PARL: variants seen among roughly 807,000 people sequenced by gnomAD.
PARL encodes presenilin associated rhomboid like, also known as presenilin-associated rhomboid-like protein, mitochondrial.
In PARL, 44 loss-of-function variants were observed where a neutral mutation model predicts 51.6. That is an observed-to-expected ratio of 0.85 (90% CI 0.67 to 1.10). The LOEUF is 1.10. PARL is among the 50% of genes least tolerant of loss of function. The pLI is 0.00. For missense variants in PARL, 441 were observed against 469.5 expected (o/e 0.94, Z 0.56); for synonymous variants, 172 against 164.0 (o/e 1.05, Z -0.37).
intron 4 of PARL, chr3:183,861,282 GATTCC>G (rs1731797268): frequency 2.1e-6 from 2 of 965,234 alleles, no homozygotes; most frequent in Admixed American, 6.2e-5. Context: ...CCTTGGTTAA[GATTCC>G]ATTCAACATT....
intron 1 of PARL, among the ~76,000 whole-genome samples, chr3:183,868,571 G>A (rs367899669): frequency 1.2e-4 from 19 of 152,072 alleles, no homozygotes; most frequent in African/African-American, 4.3e-4. Context: ...CTACCACATT[G>A]TTAATTTTTG....
rs545248959 is a variant in PARL, at chr3:183,847,205, A to G, written c.512-2879T>C. Reference sequence around the variant, plus strand: ...CTACTTACATTATAACCTGGGGAAGAGGCCTAACCGCTCAGCTTGTTTCCT... The same window carrying G: ...CTACTTACATTATAACCTGGGGAAGGGGCCTAACCGCTCAGCTTGTTTCCT... On this transcript the variant is annotated intron_variant, in intron 4 of 9. Transcript: ENST00000317096. Among the ~76,000 whole-genome samples the G allele has an allele frequency of 7.9e-5, 12 of 152,334 alleles. No homozygotes were observed. The South Asian group carries it at 2.3e-3, about 29-fold the overall frequency.
At chr3:183,847,950 T>G (rs1321287579) in intron 4 of PARL, among the ~76,000 whole-genome samples, 1 of 152,216 alleles carries the variant, frequency 6.6e-6, no homozygotes, top group Non-Finnish European at 1.5e-5. Flanking sequence ...TCTTCCTGAC[T>G]CGGTAACTCT....
At chr3:183,868,171 C>T (rs573993650) in intron 1 of PARL, 111 bp from the exon 2 acceptor site, 24 of 811,506 alleles carry the variant, frequency 3.0e-5, no homozygotes, top group Non-Finnish European at 4.6e-5. Flanking sequence ...TCTCACTCTA[C>T]AGTCCAAAAA....
intron 1 of PARL, 100 bp downstream of exon 1, chr3:183,884,622 G>A (rs910740567): frequency 8.3e-7 from 1 of 1,210,376 alleles, no homozygotes; most frequent in African/African-American, 1.5e-5. Flanking sequence ...GGGGTGAGCT[G>A]GGGCCAGCAC....
At chr3:183,835,261 T>C (rs2108589401) in intron 7 of PARL, among the ~76,000 whole-genome samples, 1 of 152,236 alleles carries the variant, frequency 6.6e-6, no homozygotes, top group African/African-American at 2.4e-5. Flanking sequence ...AACGGTTGTT[T>C]CTGGAAAATA....
At chr3:183,872,031 C>T (rs1023104013) in intron 1 of PARL, among the ~76,000 whole-genome samples, 13 of 133,072 alleles carry the variant, frequency 9.8e-5, no homozygotes, top group African/African-American at 3.4e-4. Context: ...GATGGAGTTT[C>T]GCTCTTGTTG....
intron 4 of PARL, among the ~76,000 whole-genome samples, chr3:183,858,704 G>A (rs1390403339): frequency 6.6e-6 from 1 of 152,104 alleles, no homozygotes; most frequent in Non-Finnish European, 1.5e-5. Context: ...GGACCTCTAG[G>A]AGAGGCTTAA....
At chr3:183,871,594 T>C (rs1472719415) in intron 1 of PARL, among the ~76,000 whole-genome samples, 2 of 151,408 alleles carry the variant, frequency 1.3e-5, no homozygotes, top group Non-Finnish European at 2.9e-5. Context: ...TCAAAAACAC[T>C]TTTGGCAAAA....
intron 4 of PARL, among the ~76,000 whole-genome samples, chr3:183,848,798 T>C (rs1464728647): frequency 3.9e-5 from 6 of 152,110 alleles, no homozygotes; most frequent in Admixed American, 3.3e-4. Context: ...TGGATAACAC[T>C]TGGGGGCAAA....
chr3:183,882,228 T>G (rs1480887014), intron 1 of PARL, among the ~76,000 whole-genome samples: 1 of 20,502 alleles, frequency 4.9e-5, no homozygotes. Flanking sequence ...AAAAAATATA[T>G]ATATATATAT....
At position 183,833,064 on chromosome 3, in the gene PARL, A is replaced by G. The variant is rs536671354; in HGVS notation, c.1028+428T>C. Among the ~76,000 whole-genome samples, 9 of 152,284 alleles carry G rather than the reference A, an allele frequency of 5.9e-5. No homozygotes were observed. The East Asian group carries it at 1.3e-3, about 23-fold the overall frequency. On this transcript the variant is annotated intron_variant, in intron 9 of 9. Transcript: ENST00000317096. ...GCCTCTACTCCAGTCATACAGAGCAATGGCTCCGCCAACTCAGCATGTCTA... is the reference window on the plus strand; with the variant it reads ...GCCTCTACTCCAGTCATACAGAGCAGTGGCTCCGCCAACTCAGCATGTCTA...
At chr3:183,881,836 G>A (rs6782942) in intron 1 of PARL, among the ~76,000 whole-genome samples, 1 of 151,982 alleles carries the variant, frequency 6.6e-6, no homozygotes, top group South Asian at 2.1e-4. Context: ...TGACCCCATC[G>A]TGAGTTAATA....
chr3:183,828,673 C>G (rs1473221678), downstream of PARL, among the ~76,000 whole-genome samples: 1 of 152,216 alleles, frequency 6.6e-6, no homozygotes, highest in Non-Finnish European at 1.5e-5. Context: ...TCCAAAGCCG[C>G]CATTCCCATC....
At chr3:183,877,647 CA>C (rs1383078230) in intron 1 of PARL, among the ~76,000 whole-genome samples, 1 of 152,158 alleles carries the variant, frequency 6.6e-6, no homozygotes, top group Non-Finnish European at 1.5e-5. Flanking sequence ...CCACAGCCAT[CA>C]ACAGAGGCAA....
chr3:183,845,040 T>C (rs1322987284), intron 4 of PARL, among the ~76,000 whole-genome samples: 1 of 152,232 alleles, frequency 6.6e-6, no homozygotes, highest in Non-Finnish European at 1.5e-5. Context: ...ATTAATTTTA[T>C]GAATTGCCAC....
At chr3:183,873,579 G>T (rs1265173141) in intron 1 of PARL, among the ~76,000 whole-genome samples, 2 of 151,956 alleles carry the variant, frequency 1.3e-5, no homozygotes, top group African/African-American at 4.8e-5. Flanking sequence ...ATTAATTAAA[G>T]ATGGCAAGTT....
intron 5 of PARL, 85 bp downstream of exon 5, chr3:183,844,146 C>CT (rs1192018346): frequency 1.1e-5 from 11 of 981,634 alleles, no homozygotes; most frequent in African/African-American, 3.2e-5. Flanking sequence ...GGTAATTCGT[C>CT]TTTTTTACAG....
At chr3:183,845,506 T>C (rs1373432066) in intron 4 of PARL, among the ~76,000 whole-genome samples, 1 of 152,276 alleles carries the variant, frequency 6.6e-6, no homozygotes, top group African/African-American at 2.4e-5. Flanking sequence ...TTCCATCAGT[T>C]GTATCAGATG....
Sources: gnomAD v4.1 joint callset for allele counts (sites outside exome capture counted in the v4.1 genomes callset) on GRCh38, gnomAD v4.1.1 for gene constraint, MANE v1.5 for transcripts, NCBI Gene and HGNC (gene_info 2026-07-23, HGNC 2026-07-21) for gene names.